YEATS2: variants seen among roughly 807,000 people sequenced by gnomAD.
YEATS2 encodes YEATS domain containing 2, also known as YEATS domain-containing protein 2.
Under a neutral mutation model 163.2 loss-of-function variants are expected in YEATS2, and 77 were observed. The observed-to-expected ratio is 0.47, with a 90% CI of 0.39 to 0.57. The LOEUF is 0.57. Among genes scored for constraint, YEATS2 ranks in the 20% least tolerant of loss-of-function variants. The pLI is 0.00. For synonymous variants in YEATS2, 631 were observed against 645.1 expected (o/e 0.98, Z 0.33); for missense variants, 1,549 against 1,729.8 (o/e 0.90, Z 1.85).
intron 25 of YEATS2, chr3:183,802,487 A>ATATGTGTG (rs1553884447): frequency 2.1e-5 from 3 of 145,252 alleles, no homozygotes; most frequent in Admixed American, 6.9e-5. Context: ...TCTCTTATAT[A>ATATGTGTG]TGTGTGTGTG....
chr3:183,712,300 C>G (rs565174696), intron 1 of YEATS2, among the ~76,000 whole-genome samples: 1 of 149,966 alleles, frequency 6.7e-6, no homozygotes, highest in Admixed American at 6.9e-5. Context: ...AACCTGCCTT[C>G]TGGGTTCAAG....
intron 16 of YEATS2, among the ~76,000 whole-genome samples, chr3:183,772,881 C>T (rs1560297139): frequency 6.6e-6 from 1 of 152,164 alleles, no homozygotes; most frequent in African/African-American, 2.4e-5. Flanking sequence ...TGCTAATCCA[C>T]AGTCCCCTGT....
At chr3:183,772,247 G>T (rs924892344) in intron 15 of YEATS2, 58 bp from the exon 16 acceptor site, 1 of 1,601,864 alleles carries the variant, frequency 6.2e-7, no homozygotes, top group Non-Finnish European at 8.5e-7. Context: ...TGCCAAAACG[G>T]TGACTGCTGT....
intron 11 of YEATS2, 39 bp downstream of exon 11, chr3:183,754,404 C>G (rs771250764): frequency 6.4e-7 from 1 of 1,553,038 alleles, no homozygotes; most frequent in East Asian, 2.3e-5. Flanking sequence ...GTGGAGTTGA[C>G]TGGATGTTAA....
Position 183,707,678 on chromosome 3 carries a change from A to ATTTTTTTTT in YEATS2, c.-19-7451_-19-7443dup, listed in dbSNP as rs1176429941. Among the ~76,000 whole-genome samples, 530 of 106,070 alleles carry ATTTTTTTTT rather than the reference A, an allele frequency of 5.0e-3. 19 individuals carry two copies. Among genetic ancestry groups the ATTTTTTTTT allele is most frequent in the East Asian group, 0.047 (157 of 3,368 alleles). The allele number at this position is 106,070 out of a possible 152,430, so 69.6% of individuals were successfully genotyped here. A position where few individuals can be genotyped will look rare whatever the true frequency, so the allele number is the denominator to read the frequency against. Reference sequence around the variant, plus strand: ...ATTGTACTACTCCCCTTCCCCACCTATTTTTTTTTTTTTTTTTTTTTTTGA... The same window carrying ATTTTTTTTT: ...ATTGTACTACTCCCCTTCCCCACCTATTTTTTTTTTTTTTTTTTTTTTTTTTTTTTTTGA... On this transcript the variant is annotated intron_variant, in intron 1 of 30. Transcript: ENST00000305135.
intron 1 of YEATS2, among the ~76,000 whole-genome samples, chr3:183,711,454 C>CAG (rs1250523682): frequency 7.8e-6 from 1 of 127,398 alleles, no homozygotes; most frequent in Non-Finnish European, 1.6e-5. Flanking sequence ...GCCTGGGAGA[C>CAG]AGCGAGACTC....
intron 21 of YEATS2, among the ~76,000 whole-genome samples, chr3:183,797,133 G>A (rs766594274): frequency 1.8e-4 from 27 of 152,054 alleles, no homozygotes; most frequent in Non-Finnish European, 3.1e-4. Context: ...GCTGGGCATG[G>A]TGGCATGCGC....
chr3:183,793,479 TATA>T, intron 21 of YEATS2: 1 of 921,818 alleles, frequency 1.1e-6, no homozygotes, highest in Non-Finnish European at 1.2e-6. Flanking sequence ...AAGGAATTAT[TATA>T]ATAATGAATA....
At chr3:183,733,411 A>G (rs750395973) in intron 7 of YEATS2, among the ~76,000 whole-genome samples, 20 of 152,116 alleles carry the variant, frequency 1.3e-4, no homozygotes, top group South Asian at 8.3e-4. Flanking sequence ...TTCCTTTGCC[A>G]TTCAGGTTGT....
chr3:183,749,047 A>T (rs1275834833), intron 9 of YEATS2, among the ~76,000 whole-genome samples: 1 of 152,002 alleles, frequency 6.6e-6, no homozygotes, highest in Non-Finnish European at 1.5e-5. Context: ...GGTTCACGCC[A>T]TTCTCCTGCT....
chr3:183,807,940 C>T (rs1164200880), intron 28 of YEATS2, 90 bp from the exon 29 acceptor site: 21 of 1,072,010 alleles, frequency 2.0e-5, no homozygotes, highest in Admixed American at 1.1e-4. Flanking sequence ...AACCAGGCAT[C>T]GCTTTGCATG....
chr3:183,713,576 A>G (rs1715494572), intron 1 of YEATS2, among the ~76,000 whole-genome samples: 1 of 152,136 alleles, frequency 6.6e-6, no homozygotes, highest in African/African-American at 2.4e-5. Context: ...CAATCAATCA[A>G]TCAATAAGAA....
rs189140015 is a variant in YEATS2 at position 183,809,396 on chromosome 3, T to G, written c.4160+226T>G. 9.2e-5 allele frequency: 44 copies of G among 476,724 alleles called. No individual in the cohort carries two copies. The East Asian group carries it at 1.5e-3, about 16-fold the overall frequency. The allele number at this position is 476,724 out of a possible 1,614,324, so 29.5% of individuals were successfully genotyped here. The stretch of plus-strand genomic sequence containing the variant: ...TGCTCAGAGGTTTATATCCTCCTCA[T>G]TACTTCACAGACACCTAGGACTCTG... On this transcript the variant is annotated intron_variant, in intron 30 of 30. Coordinates refer to ENST00000305135, the MANE Select transcript of YEATS2 (RefSeq NM_018023.5).
intron 15 of YEATS2, among the ~76,000 whole-genome samples, chr3:183,770,214 C>A (rs1722314354): frequency 6.6e-6 from 1 of 151,530 alleles, no homozygotes; most frequent in African/African-American, 2.4e-5. Flanking sequence ...CGGTGAAACC[C>A]CGTTTCTACT....
Position 183,715,142 on chromosome 3 carries a change from A to C in YEATS2, c.-19-2A>C. The C allele has an allele frequency of 6.4e-7, 1 of 1,555,854 alleles. No homozygotes were observed. The highest frequency in any genetic ancestry group is 1.1e-5 in the South Asian group (1 of 87,838). ...AATTATTAATTTATCATTGCTTCACAGTGAAGAACTGAATGTCATCATGTC... is the reference window on the plus strand; with the variant it reads ...AATTATTAATTTATCATTGCTTCACCGTGAAGAACTGAATGTCATCATGTC... On this transcript the variant is annotated splice_acceptor_variant, in intron 1 of 30. Coordinates refer to ENST00000305135, the MANE Select transcript of YEATS2 (RefSeq NM_018023.5). LOFTEE classifies it low-confidence loss of function (5UTR_SPLICE).
At chr3:183,759,248 A>G (rs747925399) in intron 13 of YEATS2, among the ~76,000 whole-genome samples, 26 of 152,288 alleles carry the variant, frequency 1.7e-4, no homozygotes, top group Middle Eastern at 3.4e-3. Context: ...GCTGTTAAGT[A>G]TCTAGACTTT....
intron 7 of YEATS2, among the ~76,000 whole-genome samples, chr3:183,730,048 G>GTTT (rs1476187052): frequency 1.4e-4 from 3 of 20,818 alleles, no homozygotes; most frequent in Admixed American, 7.5e-4. Flanking sequence ...GTGGTTTTTT[G>GTTT]TTTGTTTTTT....
At chr3:183,757,267 A>G (rs1720866917) in intron 12 of YEATS2, among the ~76,000 whole-genome samples, 1 of 152,020 alleles carries the variant, frequency 6.6e-6, no homozygotes, top group African/African-American at 2.4e-5. Flanking sequence ...CCCTTCAGTT[A>G]ACCTGTATTT....
At chr3:183,760,912 A>G (rs1721282489) in intron 13 of YEATS2, among the ~76,000 whole-genome samples, 1 of 152,174 alleles carries the variant, frequency 6.6e-6, no homozygotes, top group Non-Finnish European at 1.5e-5. Context: ...ACTATCGGGG[A>G]AGACCAATAA....
Sources: allele counts gnomAD v4.1 joint callset (sites outside exome capture counted in the v4.1 genomes callset), GRCh38; gene constraint gnomAD v4.1.1; transcripts MANE v1.5; gene names NCBI Gene and HGNC (gene_info 2026-07-23, HGNC 2026-07-21).